AKT2: variants seen among roughly 807,000 people sequenced by gnomAD.
AKT2 encodes AKT serine/threonine kinase 2, also known as RAC-beta serine/threonine-protein kinase.
A neutral mutation model predicts 58.6 loss-of-function variants in AKT2; 16 were observed. The ratio of observed to expected loss-of-function variants is 0.27; its 90% CI spans 0.18 to 0.41. The LOEUF (loss-of-function observed/expected upper bound fraction) is 0.41. AKT2 is among the 10% of genes least tolerant of loss of function. The pLI is 1.00. For missense variants in AKT2, 438 were observed against 661.0 expected (o/e 0.66, Z 3.70); for synonymous variants, 253 against 254.0 (o/e 1.00, Z 0.04).
intron 1 of AKT2, chr19:40,265,564 C>T: frequency 4.9e-6 from 3 of 607,878 alleles, no homozygotes; most frequent in Non-Finnish European, 8.2e-6. Context: ...GGAAGCAGAG[C>T]TCCCCGGCCT....
Position 40,238,953 on chromosome 19 carries a change from C to A in AKT2, c.660G>T (p.Gln220His). 1 of 1,614,010 alleles carries A rather than the reference C, an allele frequency of 6.2e-7. No homozygotes were observed. The highest frequency in any genetic ancestry group is 8.5e-7 in the Non-Finnish European group (1 of 1,179,978). The change falls in exon 8 of 14, where the codon CAG becomes CAT. Residue 220 changes from glutamine to histidine, a missense_variant. By Grantham distance (24) the Gln-to-His change is conservative. Coordinates refer to ENST00000392038, the MANE Select transcript of AKT2 (RefSeq NM_001626.6). The surrounding 1 kb of genome is among the most constrained non-coding windows in gnomAD (Gnocchi z 5.1). Reference protein sequence around the residue: ...PFLTALKYAFQTHDRLCFVME... With the variant: ...PFLTALKYAFHTHDRLCFVME... Reference sequence around the variant, plus strand: ...TCACAAAGCACAGGCGGTCGTGGGTCTGGAAGGCATACTTCAGCGCCTGGG... The same window carrying A: ...TCACAAAGCACAGGCGGTCGTGGGTATGGAAGGCATACTTCAGCGCCTGGG...
chr19:40,259,991 A>G (rs555286616), intron 2 of AKT2, among the ~76,000 whole-genome samples: 1 of 152,222 alleles, frequency 6.6e-6, no homozygotes, highest in Admixed American at 6.5e-5. Context: ...CATCTCTACT[A>G]AAAATACAAA....
In AKT2 at chr19:40,242,779, C is replaced by G; in HGVS notation, c.288-92G>C. 2 of 1,423,922 alleles carry G rather than the reference C, an allele frequency of 1.4e-6. No homozygotes were observed. Among genetic ancestry groups the G allele is most frequent in the East Asian group, 2.4e-5 (1 of 41,682 alleles). 88.2% of individuals were successfully genotyped at this position (1,423,922 alleles called of 1,614,324 possible). ...GCCACCTCCCAGCCACCCCCAGCAA[C>G]AGGCAAGCAAATGACCACATAACCA... On this transcript the variant is annotated intron_variant, in intron 4 of 13. Transcript: ENST00000392038. This position sits in a 1 kb window ranked among gnomAD's most constrained non-coding sequence, Gnocchi z 4.3.
chr19:40,262,885 T>C (rs1976064567), intron 2 of AKT2, among the ~76,000 whole-genome samples: 1 of 151,830 alleles, frequency 6.6e-6, no homozygotes, highest in Non-Finnish European at 1.5e-5. Flanking sequence ...GTGGTACAGG[T>C]CCCAAAACAG....
chr19:40,274,250 C>T (rs2077269498), intron 1 of AKT2: 1 of 152,642 alleles, frequency 6.6e-6, no homozygotes, highest in South Asian at 2.1e-4. Context: ...TCCTAGCCCC[C>T]ACTGTGTCCC....
At chr19:40,262,166 G>T (rs1568556996) in intron 2 of AKT2, among the ~76,000 whole-genome samples, 1 of 151,672 alleles carries the variant, frequency 6.6e-6, no homozygotes, top group African/African-American at 2.4e-5. Flanking sequence ...CAGCACTTTG[G>T]GAGGCCAAGA....
intron 2 of AKT2, among the ~76,000 whole-genome samples, chr19:40,258,657 A>T (rs1975725576): frequency 7.3e-6 from 1 of 136,800 alleles, no homozygotes; most frequent in Non-Finnish European, 1.6e-5. Flanking sequence ...CCTAGCTCTT[A>T]AAAAAAAAAA....
intron 6 of AKT2, 162 bp downstream of exon 6, chr19:40,241,776 T>C (rs899743596): frequency 3.7e-6 from 4 of 1,090,468 alleles, no homozygotes; most frequent in South Asian, 1.4e-5. Context: ...GGCCTGCTGC[T>C]CCTCTCTGGG....
Position 40,242,153 on chromosome 19 carries a change from C to A in AKT2, c.442-84G>T. 6.3e-7 allele frequency: 1 copy of A among 1,582,422 alleles called. No individual in the cohort carries two copies. Among genetic ancestry groups the A allele is most frequent in the African/African-American group, 1.3e-5 (1 of 74,360 alleles). Reference sequence around the variant, plus strand: ...AATTTTAACAAAAGAAAGAGGAAAACCAAAAGACACTGTTGCCAAACGGCT... The same window carrying A: ...AATTTTAACAAAAGAAAGAGGAAAAACAAAAGACACTGTTGCCAAACGGCT... On this transcript the variant is annotated intron_variant, in intron 5 of 13. Transcript: ENST00000392038. The surrounding 1 kb of genome is among the most constrained non-coding windows in gnomAD (Gnocchi z 4.3).
At position 40,235,024 on chromosome 19, in the gene AKT2, G is replaced by A. The variant is rs147362111; in HGVS notation, c.1366+21C>T. 235 of 1,607,568 alleles carry A rather than the reference G, an allele frequency of 1.5e-4. No homozygotes were observed. In the African/African-American group the frequency reaches 2.0e-3, roughly 14 times the overall value. Reference sequence around the variant, plus strand: ...CCACCCCTGGGGCAGGCACACCAGCGCGGGGGCCCCAGGCACTCACAGCGG... The same window carrying A: ...CCACCCCTGGGGCAGGCACACCAGCACGGGGGCCCCAGGCACTCACAGCGG... On this transcript the variant is annotated intron_variant, in intron 13 of 13. Coordinates refer to ENST00000392038, the MANE Select transcript of AKT2 (RefSeq NM_001626.6). This position sits in a 1 kb window ranked among gnomAD's most constrained non-coding sequence, Gnocchi z 6.3.
rs369350910 is a variant in AKT2 at position 40,236,628 on chromosome 19, CCT to C, written c.832-245_832-244del. ...GGGCAGGGAGAGCCGAGAGCCAGGC[CCT>C]GTCCACCCACCGTCCCCATTGTGAA... is the stretch of plus-strand genomic sequence containing the variant. On this transcript the variant is annotated intron_variant, in intron 9 of 13. Transcript: ENST00000392038. The C allele has an allele frequency of 3.9e-5, 22 of 569,010 alleles. No homozygotes were observed. In the African/African-American group the frequency reaches 3.9e-4, roughly 10 times the overall value. The allele number at this position is 569,010 out of a possible 1,614,324, so 35.2% of individuals were successfully genotyped here. A position where few individuals can be genotyped will look rare whatever the true frequency, so the allele number is the denominator to read the frequency against.
At chr19:40,270,717 C>G (rs1275711995) in intron 1 of AKT2, 1 of 152,214 alleles carries the variant, frequency 6.6e-6, no homozygotes, top group Non-Finnish European at 1.5e-5. Flanking sequence ...GAGATAAATT[C>G]AAAGACAACA....
intron 4 of AKT2, among the ~76,000 whole-genome samples, chr19:40,251,405 C>G (rs1428669724): frequency 2.0e-5 from 3 of 152,038 alleles, no homozygotes; most frequent in Non-Finnish European, 4.4e-5. Context: ...GAAGGCAGGG[C>G]CATAGTTTGC....
intron 1 of AKT2, chr19:40,274,057 C>T (rs1477292694): frequency 6.6e-6 from 1 of 152,616 alleles, no homozygotes; most frequent in African/African-American, 2.4e-5. Context: ...TTGCCTGGCA[C>T]TCTGTTCACC....
rs1974471549 is a variant in AKT2, at chr19:40,242,446, C to T, written c.441+88G>A. ...TTGTCTCTCAGCTGAGCCCCCTGAA[C>T]TGTGTTATGGAAACCAAGGAGAGCA... On this transcript the variant is annotated intron_variant, in intron 5 of 13. Transcript: ENST00000392038. This position sits in a 1 kb window ranked among gnomAD's most constrained non-coding sequence, Gnocchi z 4.3. 6.3e-7 allele frequency: 1 copy of T among 1,583,400 alleles called. No homozygotes were observed. Among genetic ancestry groups the T allele is most frequent in the Non-Finnish European group, 8.6e-7 (1 of 1,160,808 alleles).
At chr19:40,265,156 G>A (rs1976254439) in intron 2 of AKT2, 66 bp downstream of exon 2, 1 of 1,581,598 alleles carries the variant, frequency 6.3e-7, no homozygotes, top group Non-Finnish European at 8.6e-7. Flanking sequence ...CTGCCTCTCA[G>A]GGCACAGCTT....
intron 1 of AKT2, among the ~76,000 whole-genome samples, chr19:40,265,760 G>A (rs902584511): frequency 2.0e-5 from 3 of 152,058 alleles, no homozygotes; most frequent in Admixed American, 6.5e-5. Context: ...GAGGGAATGC[G>A]CAGAGCCACC....
intron 2 of AKT2, among the ~76,000 whole-genome samples, chr19:40,259,059 G>A (rs1286378505): frequency 2.0e-5 from 3 of 152,100 alleles, no homozygotes; most frequent in Non-Finnish European, 4.4e-5. Context: ...CAGACATACA[G>A]ACCAATGGAA....
At chr19:40,276,890 G>A (rs1442270080) in intron 1 of AKT2, among the ~76,000 whole-genome samples, 1 of 152,124 alleles carries the variant, frequency 6.6e-6, no homozygotes, top group African/African-American at 2.4e-5. Context: ...AGGTATGATG[G>A]TGCATGCCTG....
Sources: allele counts gnomAD v4.1 joint callset (sites outside exome capture counted in the v4.1 genomes callset), GRCh38; gene constraint gnomAD v4.1.1; non-coding constraint Gnocchi (gnomAD v3.1); transcripts MANE v1.5; gene names NCBI Gene and HGNC (gene_info 2026-07-23, HGNC 2026-07-21).